The following OLFM2 variants were observed in gnomAD, a reference collection of about 807,000 sequenced individuals.
OLFM2 encodes olfactomedin 2.
A neutral mutation model predicts 43.9 loss-of-function variants in OLFM2; 20 were observed. The observed-to-expected ratio is 0.46, with a 90% confidence interval of 0.32 to 0.66. The LOEUF is 0.66. Ranked by LOEUF, OLFM2 falls within the 30% of genes least tolerant of loss-of-function variation. The probability of loss-of-function intolerance (pLI) is 0.04; values close to 1 mark genes in which losing one functional copy is unlikely to be tolerated. For synonymous variants in OLFM2, 268 were observed against 278.6 expected (o/e 0.96, Z 0.38); for missense variants, 416 against 643.6 (o/e 0.65, Z 3.83).
chr19:9,913,804 G>T, intron 1 of OLFM2: 1 of 441,886 alleles, frequency 2.3e-6, no homozygotes, highest in Non-Finnish European at 3.0e-6. Context: ...CTGCGGCTCG[G>T]CGCGCCTGGC....
chr19:9,915,253 TTTG>T (rs996235649), intron 1 of OLFM2, among the ~76,000 whole-genome samples: 1 of 150,714 alleles, frequency 6.6e-6, no homozygotes, highest in African/African-American at 2.4e-5. Flanking sequence ...TTTTTTTTTT[TTTG>T]GTAGAGATGG....
Position 9,854,941 on chromosome 19 carries a change from G to A in OLFM2, c.688-78C>T. The stretch of plus-strand genomic sequence containing the variant: ...GTCCCAGCACCAGCTACAGCCATTA[G>A]AGTTCAACAGTCACTAAGTGGTCAT... On this transcript the variant is annotated intron_variant, in intron 5 of 5. Coordinates refer to ENST00000264833, the MANE Select transcript of OLFM2 (RefSeq NM_058164.4). This position sits in a 1 kb window ranked among gnomAD's most constrained non-coding sequence, Gnocchi z 9.5. The A allele has an allele frequency of 9.0e-7, 1 of 1,111,446 alleles. No individual in the cohort carries two copies. The allele number at this position is 1,111,446 out of a possible 1,614,324, so 68.8% of individuals were successfully genotyped here.
chr19:9,883,934 C>T (rs567356698), intron 1 of OLFM2, among the ~76,000 whole-genome samples: 2 of 152,186 alleles, frequency 1.3e-5, no homozygotes, highest in South Asian at 4.1e-4. Context: ...AGGGCAGTCA[C>T]GGAGGTTGAA....
chr19:9,934,998 G>T (rs898842746), intron 1 of OLFM2, among the ~76,000 whole-genome samples: 10 of 152,198 alleles, frequency 6.6e-5, no homozygotes, highest in African/African-American at 1.9e-4. Context: ...CCATGGAGCG[G>T]ATTATTTAAC....
At chr19:9,865,490 T>TC (rs2046394621) in intron 1 of OLFM2, among the ~76,000 whole-genome samples, 1 of 128,252 alleles carries the variant, frequency 7.8e-6, no homozygotes, top group African/African-American at 3.0e-5. Flanking sequence ...TTTTTCTTTT[T>TC]TTTTTTTTTT....
At chr19:9,919,879 G>A (rs1195364574) in intron 1 of OLFM2, among the ~76,000 whole-genome samples, 1 of 139,898 alleles carries the variant, frequency 7.1e-6, no homozygotes, top group Non-Finnish European at 1.5e-5. Flanking sequence ...ACTGCAATCT[G>A]TGCCTCCAGG....
chr19:9,880,234 G>A (rs1238376592), intron 1 of OLFM2, among the ~76,000 whole-genome samples: 1 of 152,202 alleles, frequency 6.6e-6, no homozygotes, highest in Non-Finnish European at 1.5e-5. Flanking sequence ...GGATGTAGGA[G>A]CGAGAGTCAG....
intron 1 of OLFM2, among the ~76,000 whole-genome samples, chr19:9,890,791 A>G (rs2046632151): frequency 1.3e-5 from 2 of 152,006 alleles, no homozygotes; most frequent in African/African-American, 4.8e-5. Context: ...CTATTCTACA[A>G]AATATTTTAA....
chr19:9,926,623 A>C (rs1315479210), intron 1 of OLFM2, among the ~76,000 whole-genome samples: 1 of 152,108 alleles, frequency 6.6e-6, no homozygotes, highest in African/African-American at 2.4e-5. Flanking sequence ...ACCACAATTA[A>C]AAATTTTTAA....
Position 9,862,409 on chromosome 19 carries a change from C to T in OLFM2, c.64-1615G>A, listed in dbSNP as rs558730089. ...GGAGGGACCCAGGAATGGTGGCTCA[C>T]GCCTGTAATCCCAGAATTTCAAGAG... On this transcript the variant is annotated intron_variant, in intron 1 of 5. Coordinates refer to ENST00000264833, the MANE Select transcript of OLFM2 (RefSeq NM_058164.4). Among the ~76,000 whole-genome samples, 19 of 151,964 alleles carry T rather than the reference C, an allele frequency of 1.3e-4. 1 individual carries two copies. The highest frequency in any genetic ancestry group is 4.6e-4 in the Admixed American group (7 of 15,246).
intron 1 of OLFM2, among the ~76,000 whole-genome samples, chr19:9,864,238 T>G (rs576087171): frequency 1.3e-5 from 2 of 152,308 alleles, no homozygotes; most frequent in East Asian, 3.9e-4. Flanking sequence ...CCCATTAGAT[T>G]TACACCTCAG....
chr19:9,910,580 A>G (rs1339593746), intron 1 of OLFM2, among the ~76,000 whole-genome samples: 1 of 152,204 alleles, frequency 6.6e-6, no homozygotes, highest in Non-Finnish European at 1.5e-5. Flanking sequence ...TGTGGAATAA[A>G]TACAATGGAT....
chr19:9,879,482 C>T (rs918133120), intron 1 of OLFM2, among the ~76,000 whole-genome samples: 1 of 152,162 alleles, frequency 6.6e-6, no homozygotes, highest in African/African-American at 2.4e-5. Context: ...CTCTCTCTTG[C>T]TCCTGCTCTG....
At chr19:9,875,647 C>T (rs1374948936) in intron 1 of OLFM2, among the ~76,000 whole-genome samples, 1 of 102,590 alleles carries the variant, frequency 9.7e-6, no homozygotes, top group African/African-American at 3.9e-5. Context: ...CTTACCAGCA[C>T]ATCTGGTTGT....
chr19:9,895,462 T>A (rs1337126706), intron 1 of OLFM2, among the ~76,000 whole-genome samples: 2 of 151,356 alleles, frequency 1.3e-5, no homozygotes, highest in African/African-American at 4.9e-5. Flanking sequence ...ACCACTACAC[T>A]CCAGCCTGGG....
chr19:9,908,633 C>T (rs2046803219), intron 1 of OLFM2, among the ~76,000 whole-genome samples: 1 of 151,974 alleles, frequency 6.6e-6, no homozygotes, highest in South Asian at 2.1e-4. Flanking sequence ...CACCCGCCAC[C>T]GTGCCCAGCT....
intron 1 of OLFM2, among the ~76,000 whole-genome samples, chr19:9,882,132 G>A (rs2046544556): frequency 1.3e-5 from 2 of 152,128 alleles, no homozygotes; most frequent in Admixed American, 6.6e-5. Flanking sequence ...TCAGCTACTC[G>A]GGAGGCTGAG....
Position 9,860,703 on chromosome 19 carries a change from G to A in OLFM2, c.155C>T (p.Ala52Val), listed in dbSNP as rs149138368. 113 of 1,604,806 alleles carry A rather than the reference G, an allele frequency of 7.0e-5. No individual in the cohort carries two copies. Among genetic ancestry groups the A allele is most frequent in the Non-Finnish European group, 8.6e-5 (101 of 1,175,756 alleles). The change falls in exon 2 of 6, where the codon GCG becomes GTG. Residue 52 changes from alanine to valine, a missense_variant. Physicochemically the swap from Ala to Val is moderately conservative, Grantham distance 64 (BLOSUM62 0). Coordinates refer to ENST00000264833, the MANE Select transcript of OLFM2 (RefSeq NM_058164.4). ...GCCATCTCGAGAGCAGGTACTCTGC[G>A]CTGGGATCACGGCCGTGCAGATGCA... ...GKCICTAVIP[A>V]QSTCSRDGRS...
At chr19:9,933,824 T>C (rs539587896) in intron 1 of OLFM2, among the ~76,000 whole-genome samples, 2 of 152,342 alleles carry the variant, frequency 1.3e-5, no homozygotes, top group South Asian at 4.1e-4. Context: ...CCCAAAATGC[T>C]GGGATTACAG....
Sources: gnomAD v4.1 joint callset for allele counts (sites outside exome capture counted in the v4.1 genomes callset) on GRCh38, gnomAD v4.1.1 for gene constraint, Gnocchi (gnomAD v3.1) non-coding constraint, MANE v1.5 for transcripts, NCBI Gene and HGNC (gene_info 2026-07-23, HGNC 2026-07-21) for gene names.